Variants in HIPK2 observed in about 807,000 individuals in gnomAD.
The protein encoded by HIPK2 is homeodomain-interacting protein kinase 2.
HIPK2 carries 27 observed loss-of-function variants against 113.7 expected under a neutral mutation model. The ratio of observed to expected loss-of-function variants is 0.24; its 90% CI spans 0.17 to 0.33. HIPK2 has a LOEUF of 0.33. Among genes scored for constraint, HIPK2 ranks in the 10% least tolerant of loss-of-function variants. The pLI, the probability that HIPK2 is intolerant of heterozygous loss-of-function variation, is 1.00. For synonymous variants in HIPK2, 631 were observed against 642.2 expected (o/e 0.98, Z 0.26); for missense variants, 1,257 against 1,588.0 (o/e 0.79, Z 3.54).
At chr7:139,730,642 T>C (rs1489536648) in intron 1 of HIPK2, among the ~76,000 whole-genome samples, 1 of 152,238 alleles carries the variant, frequency 6.6e-6, no homozygotes. Context: ...ATTATAGGCA[T>C]GAGCCATCGC....
Position 139,716,321 on chromosome 7 carries a change from T to C in HIPK2, c.714A>G (p.Arg238=). Residue 238 remains arginine (R), a synonymous_variant, in exon 2 of 15, where the codon CGA becomes CGG. Coordinates refer to ENST00000406875, the MANE Select transcript of HIPK2 (RefSeq NM_022740.5). This position sits in a 1 kb window ranked among gnomAD's most constrained non-coding sequence, Gnocchi z 9.3. ...GGATGCTCACTTCAATCTGACCTTG[T>C]CGGGCATAGGATGGGTGGTTCTTCA... is the stretch of plus-strand genomic sequence containing the variant. ...KILKNHPSYA[R]QGQIEVSILA... 2 of 1,614,174 alleles carry C rather than the reference T, an allele frequency of 1.2e-6. No individual in the cohort carries two copies. The highest frequency in any genetic ancestry group is 1.7e-6 in the Non-Finnish European group (2 of 1,180,026).
At chr7:139,754,791 GAGA>G (rs1569485032) in intron 1 of HIPK2, among the ~76,000 whole-genome samples, 2 of 152,148 alleles carry the variant, frequency 1.3e-5, no homozygotes, top group Non-Finnish European at 2.9e-5. Flanking sequence ...CTGAAGGGGA[GAGA>G]AGGAGAGACG....
intron 7 of HIPK2, 34 bp from the exon 8 acceptor site, chr7:139,614,527 CAAAAAT>C: frequency 7.8e-7 from 1 of 1,279,122 alleles, no homozygotes; most frequent in Non-Finnish European, 1.0e-6. Flanking sequence ...CAAAAATAAA[CAAAAAT>C]AAAAAATGAG....
At chr7:139,658,123 T>C (rs1461485377) in intron 2 of HIPK2, among the ~76,000 whole-genome samples, 4 of 152,172 alleles carry the variant, frequency 2.6e-5, no homozygotes, top group South Asian at 2.1e-4. Context: ...CTGAGCAACA[T>C]GGTGAAACCC....
At chr7:139,735,493 G>A (rs1795911198) in intron 1 of HIPK2, among the ~76,000 whole-genome samples, 1 of 152,194 alleles carries the variant, frequency 6.6e-6, no homozygotes, top group African/African-American at 2.4e-5. Flanking sequence ...GACAGAGTGA[G>A]CAGCATCCAG....
intron 1 of HIPK2, among the ~76,000 whole-genome samples, chr7:139,738,913 A>G (rs1796021570): frequency 1.3e-5 from 2 of 152,090 alleles, no homozygotes; most frequent in African/African-American, 2.4e-5. Flanking sequence ...ACATTGGCAA[A>G]TTTTGAATGA....
At chr7:139,681,207 T>C (rs1321305273) in intron 2 of HIPK2, among the ~76,000 whole-genome samples, 1 of 152,212 alleles carries the variant, frequency 6.6e-6, no homozygotes, top group Non-Finnish European at 1.5e-5. Context: ...CTTGAAAACT[T>C]TATCTAAACT....
At chr7:139,679,071 T>A (rs2116695512) in intron 2 of HIPK2, among the ~76,000 whole-genome samples, 1 of 152,344 alleles carries the variant, frequency 6.6e-6, no homozygotes, top group African/African-American at 2.4e-5. Flanking sequence ...GCTGAGACGA[T>A]GGGGTTTTTT....
chr7:139,772,591 C>A (rs1796670340), intron 1 of HIPK2, among the ~76,000 whole-genome samples: 1 of 152,004 alleles, frequency 6.6e-6, no homozygotes, highest in Non-Finnish European at 1.5e-5. Context: ...TCTTCCCACT[C>A]TTTATTTATT....
At position 139,623,517 on chromosome 7, in the gene HIPK2, C is replaced by CAAAAAAAA. The variant is rs771370297; in HGVS notation, c.1620-2962_1620-2955dup. Among the ~76,000 whole-genome samples, 30 of 73,764 alleles carry CAAAAAAAA rather than the reference C, an allele frequency of 4.1e-4. 2 individuals carry two copies. The highest frequency in any genetic ancestry group is 1.1e-3 in the South Asian group (2 of 1,842). 48.4% of individuals were successfully genotyped at this position (73,764 alleles called of 152,430 possible). A position where few individuals can be genotyped will look rare whatever the true frequency, so the allele number is the denominator to read the frequency against. ...TGTGCAACAGAGTGAGACTCTACTT[C>CAAAAAAAA]AAAAAAAAAAAAAAAAAAAAAGAAA... On this transcript the variant is annotated intron_variant, in intron 6 of 14. Transcript: ENST00000406875.
intron 5 of HIPK2, among the ~76,000 whole-genome samples, chr7:139,627,792 C>A (rs568521582): frequency 6.6e-6 from 1 of 152,164 alleles, no homozygotes; most frequent in Admixed American, 6.5e-5. Context: ...AATTTTCACA[C>A]TAAAAATAGC....
Position 139,716,570 on chromosome 7 carries a change from C to T in HIPK2, c.465G>A (p.Gln155=). 1 of 1,613,986 alleles carries T rather than the reference C, an allele frequency of 6.2e-7. No homozygotes were observed. Among genetic ancestry groups the T allele is most frequent in the Non-Finnish European group, 8.5e-7 (1 of 1,179,892 alleles). ...QIIEEHPPMI[Q]NNASGATVAT... ...CGACAGTGGCCCCGCTTGCATTATT[C>T]TGAATCATGGGTGGATGCTCCTCGA... The change falls in exon 2 of 15, where the codon CAG becomes CAA. Residue 155 remains glutamine (Q), a synonymous_variant. Coordinates refer to ENST00000406875, the MANE Select transcript of HIPK2 (RefSeq NM_022740.5). This position sits in a 1 kb window ranked among gnomAD's most constrained non-coding sequence, Gnocchi z 9.3.
intron 7 of HIPK2, among the ~76,000 whole-genome samples, chr7:139,619,764 T>G (rs567241138): frequency 1.3e-5 from 2 of 152,112 alleles, no homozygotes; most frequent in Non-Finnish European, 2.9e-5. Flanking sequence ...TCCATGATCT[T>G]TTTCTTTGTT....
chr7:139,680,752 A>C (rs1802670976), intron 2 of HIPK2, among the ~76,000 whole-genome samples: 2 of 152,236 alleles, frequency 1.3e-5, no homozygotes, highest in African/African-American at 2.4e-5. Flanking sequence ...GGACATGAAG[A>C]GCACAGCCCA....
chr7:139,585,437 A>C (rs1010849417), intron 12 of HIPK2, among the ~76,000 whole-genome samples: 14 of 152,230 alleles, frequency 9.2e-5, no homozygotes, highest in African/African-American at 2.9e-4. Context: ...CGCTCCTGAC[A>C]TCTAGGCTGG....
chr7:139,627,724 C>T (rs996864872), intron 5 of HIPK2, among the ~76,000 whole-genome samples: 3 of 152,130 alleles, frequency 2.0e-5, no homozygotes, highest in Non-Finnish European at 2.9e-5. Flanking sequence ...TGGTGTATAG[C>T]TTTGTTTCTC....
At chr7:139,684,134 A>G (rs1794146487) in intron 2 of HIPK2, among the ~76,000 whole-genome samples, 1 of 152,150 alleles carries the variant, frequency 6.6e-6, no homozygotes, top group African/African-American at 2.4e-5. Flanking sequence ...CCTGTGATTA[A>G]TGATCTTTGA....
intron 2 of HIPK2, among the ~76,000 whole-genome samples, chr7:139,641,406 C>T (rs979107596): frequency 6.6e-6 from 1 of 151,576 alleles, no homozygotes; most frequent in African/African-American, 2.4e-5. Flanking sequence ...TCCCTATCCA[C>T]AATCCTCTTG....
At chr7:139,634,674 G>GT (rs1181829827) in intron 2 of HIPK2, among the ~76,000 whole-genome samples, 2,039 of 113,606 alleles carry the variant, frequency 0.018, 49 homozygotes, top group Middle Eastern at 0.035. Flanking sequence ...TCTGTTTCAG[G>GT]TTTTTTTTTT....
Sources: allele counts gnomAD v4.1 joint callset (sites outside exome capture counted in the v4.1 genomes callset), GRCh38; gene constraint gnomAD v4.1.1; non-coding constraint Gnocchi (gnomAD v3.1); transcripts MANE v1.5; gene names NCBI Gene and HGNC (gene_info 2026-07-23, HGNC 2026-07-21).